Variants in LPA observed in about 807,000 individuals in gnomAD.
LPA encodes the protein apolipoprotein(a).
Under a neutral mutation model 197.9 loss-of-function variants are expected in LPA, and 199 were observed. The ratio of observed to expected loss-of-function variants is 1.01; its 90% CI spans 0.90 to 1.13. The LOEUF (loss-of-function observed/expected upper bound fraction) is 1.13. Ranked by LOEUF, LPA falls within the 50% of genes most tolerant of loss-of-function variation. The pLI is 0.00. For synonymous variants in LPA, 715 were observed against 639.5 expected, an observed-to-expected ratio of 1.12 and a Z score of -1.78; for missense variants, 1,853 against 1,785.8, an observed-to-expected ratio of 1.04 and a Z score of -0.68.
At chr6:160,596,210 A>G (rs1021674230) in intron 20 of LPA, among the ~76,000 whole-genome samples, 1 of 152,164 alleles carries the variant, frequency 6.6e-6, no homozygotes, top group Non-Finnish European at 1.5e-5. Flanking sequence ...CCAGATGGTG[A>G]TGGTTGTGCA....
chr6:160,558,609 C>T (rs546103575), intron 28 of LPA, among the ~76,000 whole-genome samples: 4 of 152,194 alleles, frequency 2.6e-5, no homozygotes, highest in South Asian at 4.2e-4. Flanking sequence ...GCAGCCACTC[C>T]GAAACTGAGG....
intron 28 of LPA, among the ~76,000 whole-genome samples, chr6:160,575,441 A>G (rs1778638217): frequency 6.6e-6 from 1 of 152,194 alleles, no homozygotes; most frequent in Non-Finnish European, 1.5e-5. Flanking sequence ...TTTATGTCAC[A>G]TATTGTGGAT....
intron 2 of LPA, among the ~76,000 whole-genome samples, chr6:160,647,905 G>C (rs1051679887): frequency 4.6e-5 from 7 of 152,168 alleles, no homozygotes; most frequent in Admixed American, 3.3e-4. Flanking sequence ...TTTGCCAATT[G>C]CTAGGTTCTT....
At chr6:160,605,764 A>G (rs1779336418) in intron 17 of LPA, among the ~76,000 whole-genome samples, 1 of 152,174 alleles carries the variant, frequency 6.6e-6, no homozygotes, top group Admixed American at 6.5e-5. Context: ...GTTATCAGGG[A>G]TGGGTGGAGG....
intron 1 of LPA, among the ~76,000 whole-genome samples, chr6:160,651,724 T>C (rs1423450047): frequency 6.6e-6 from 1 of 152,074 alleles, no homozygotes. Flanking sequence ...AAAGACACCA[T>C]CTGGAAACTA....
In LPA at chr6:160,589,571, G is replaced by A. The variant is rs369875346; in HGVS notation, c.3929C>T (p.Thr1310Ile). 39 of 1,613,830 alleles carry A rather than the reference G, an allele frequency of 2.4e-5. No individual in the cohort carries two copies. The African/African-American group carries it at 4.5e-4, about 19-fold the overall frequency. ...SMTPHWHQRT[T>I]EYYPNGGLTR... Reference sequence around the variant, plus strand: ...GACATACCCATTTGGGTAGTATTCTGTGGTTCTCTGATGCCAGTGTGGTGT... The same window carrying A: ...GACATACCCATTTGGGTAGTATTCTATGGTTCTCTGATGCCAGTGTGGTGT... The change falls in exon 24 of 39, where the codon ACA (threonine) becomes ATA (isoleucine). Residue 1310 changes from threonine to isoleucine, a missense_variant. Physicochemically the swap from Thr to Ile is moderately conservative, Grantham distance 89. This residue lies in a region of LPA where 1,737 missense variants were observed against 1,504.4 expected (regional missense o/e 1.15). Transcript: ENST00000316300.
chr6:160,543,958 A>G (rs1778023592), intron 33 of LPA, among the ~76,000 whole-genome samples: 2 of 152,200 alleles, frequency 1.3e-5, no homozygotes, highest in South Asian at 4.1e-4. Flanking sequence ...GCTTGGGGTT[A>G]ACCTCACTTG....
At chr6:160,563,892 T>C (rs968957298) in intron 28 of LPA, among the ~76,000 whole-genome samples, 11 of 151,736 alleles carry the variant, frequency 7.2e-5, no homozygotes, top group African/African-American at 2.4e-4. Context: ...CAACCGCTGC[T>C]TTTTTTTTCT....
intron 37 of LPA, 71 bp from the exon 38 acceptor site, chr6:160,532,720 AGAGCAGTG>A: frequency 9.8e-7 from 1 of 1,021,682 alleles, no homozygotes; most frequent in Non-Finnish European, 1.5e-6. Flanking sequence ...CCAGAAGAAC[AGAGCAGTG>A]GAGCTGGACC....
chr6:160,600,978 C>G lies in LPA; in HGVS notation c.3066G>C (p.Trp1022Cys). Reference sequence around the variant, plus strand: ...TAACATTCGGAGGGACGAAGGCAGTCCATTCTGCATCTGAGCATCGTGTCA... The same window carrying G: ...TAACATTCGGAGGGACGAAGGCAGTGCATTCTGCATCTGAGCATCGTGTCA... ...CNLTRCSDAEWTAFVPPNVIL... is the reference protein window; with the variant it reads ...CNLTRCSDAECTAFVPPNVIL... Residue 1022 changes from tryptophan to cysteine, a missense_variant, in exon 19 of 39, where the codon TGG becomes TGC. Trp to Cys is a radical substitution (Grantham distance 215). Around this residue, in one of 3 missense-constraint regions of LPA, gnomAD observed 1,737 missense variants for 1,504.4 expected, o/e 1.15. Transcript: ENST00000316300. 1.2e-6 allele frequency: 2 copies of G among 1,613,988 alleles called. No individual in the cohort carries two copies. The highest frequency in any genetic ancestry group is 1.7e-6 in the Non-Finnish European group (2 of 1,179,994).
At chr6:160,650,618 T>C (rs573381985) in intron 1 of LPA, 121 bp from the exon 2 acceptor site, 5 of 941,688 alleles carry the variant, frequency 5.3e-6, no homozygotes, top group Non-Finnish European at 8.6e-6. Flanking sequence ...TTCTCTTGAT[T>C]AGCAGGCAGA....
At chr6:160,654,786 AT>A (rs1193764955) in intron 1 of LPA, among the ~76,000 whole-genome samples, 1 of 152,186 alleles carries the variant, frequency 6.6e-6, no homozygotes, top group Non-Finnish European at 1.5e-5. Context: ...AAATAAAGAT[AT>A]TTTCTTAGCA....
intron 8 of LPA, among the ~76,000 whole-genome samples, chr6:160,632,143 A>G (rs1201413222): frequency 4.4e-5 from 6 of 135,252 alleles, no homozygotes. Context: ...TTTTTATACT[A>G]GCTCTTTAAT....
intron 38 of LPA, among the ~76,000 whole-genome samples, 155 bp from the exon 39 acceptor site, chr6:160,532,045 G>GTACT (rs1777815273): frequency 6.6e-6 from 1 of 152,184 alleles, no homozygotes; most frequent in Admixed American, 6.5e-5. Flanking sequence ...CAGTGCTTAA[G>GTACT]TACTTAGCAA....
intron 2 of LPA, among the ~76,000 whole-genome samples, chr6:160,647,477 G>A (rs1342970119): frequency 6.6e-5 from 10 of 152,164 alleles, no homozygotes; most frequent in Non-Finnish European, 1.5e-5. Context: ...CCTAGTCTCA[G>A]TCCCAGACCC....
chr6:160,635,725 G>T (rs1779804909), intron 6 of LPA, among the ~76,000 whole-genome samples: 1 of 104,872 alleles, frequency 9.5e-6, no homozygotes, highest in Non-Finnish European at 2.0e-5. Flanking sequence ...TATCTCTCTC[G>T]GTAGGACTTC....
intron 36 of LPA, among the ~76,000 whole-genome samples, chr6:160,538,428 G>A (rs1777926166): frequency 6.6e-6 from 1 of 152,214 alleles, no homozygotes; most frequent in Non-Finnish European, 1.5e-5. Context: ...CCTCGTGAAT[G>A]TTACTAAACC....
intron 21 of LPA, among the ~76,000 whole-genome samples, chr6:160,594,679 G>T (rs563914024): frequency 6.6e-6 from 1 of 152,226 alleles, no homozygotes; most frequent in Non-Finnish European, 1.5e-5. Context: ...GGTATCTTTG[G>T]CCCAGGATTC....
In LPA at chr6:160,548,587, G is replaced by A. The variant is rs1778118258; in HGVS notation, c.5046C>T (p.Ser1682=). 6.2e-7 allele frequency: 1 copy of A among 1,614,118 alleles called. No individual in the cohort carries two copies. The highest frequency in any genetic ancestry group is 8.5e-7 in the Non-Finnish European group (1 of 1,180,016). ...TGPWCFTMDP[S]IRWEYCNLTR... is the part of the protein sequence containing the mutation. ...TCAGGTTGCAGTACTCCCACCTGAT[G>A]CTGGGGTCCATGGTAAAACACCAAG... Residue 1682 remains serine (S), a synonymous_variant, in exon 31 of 39, where the codon AGC becomes AGT. Transcript: ENST00000316300.
Sources: gnomAD v4.1 joint callset for allele counts (sites outside exome capture counted in the v4.1 genomes callset) on GRCh38, gnomAD v4.1.1 for gene constraint, gnomAD v4.1.1 regional missense constraint, MANE v1.5 for transcripts, NCBI Gene and HGNC (gene_info 2026-07-23, HGNC 2026-07-21) for gene names.